SMYD3: variants seen among roughly 807,000 people sequenced by gnomAD.
SMYD3 encodes the protein SET and MYND domain containing 3.
A neutral mutation model predicts 57.7 loss-of-function variants in SMYD3; 36 were observed. The observed-to-expected ratio is 0.62, with a 90% CI of 0.48 to 0.82. The LOEUF is 0.82. Ranked by LOEUF, SMYD3 falls within the 40% of genes least tolerant of loss-of-function variation. SMYD3 has a pLI of 0.00. For synonymous variants in SMYD3, 211 were observed against 195.0 expected, an observed-to-expected ratio of 1.08 and a Z score of -0.68; for missense variants, 515 against 538.8, an observed-to-expected ratio of 0.96 and a Z score of 0.44.
At chr1:246,088,283 C>T (rs2060755413) in intron 5 of SMYD3, among the ~76,000 whole-genome samples, 1 of 151,898 alleles carries the variant, frequency 6.6e-6, no homozygotes, top group African/African-American at 2.4e-5. Context: ...CTTTCTTTCT[C>T]TCTCTCTCTA....
chr1:246,069,101 G>T (rs746995690), intron 5 of SMYD3, among the ~76,000 whole-genome samples: 16 of 152,174 alleles, frequency 1.1e-4, no homozygotes, highest in Non-Finnish European at 2.2e-4. Context: ...CCAATTTTGA[G>T]ATGCTGTAGC....
intron 10 of SMYD3, among the ~76,000 whole-genome samples, chr1:245,781,137 A>G (rs2262933): frequency 0.42 from 64,017 of 152,126 alleles, 17,951 homozygotes; most frequent in East Asian, 0.79. Context: ...CTTTGGAGAT[A>G]CTAGAAATAT....
At chr1:246,402,767 C>T (rs938182604) in intron 1 of SMYD3, among the ~76,000 whole-genome samples, 1 of 152,170 alleles carries the variant, frequency 6.6e-6, no homozygotes, top group Non-Finnish European at 1.5e-5. Flanking sequence ...TGAGCAAGTA[C>T]AATAGCCACC....
chr1:245,962,327 C>G (rs1474998342), intron 5 of SMYD3, among the ~76,000 whole-genome samples: 2 of 152,172 alleles, frequency 1.3e-5, no homozygotes, highest in African/African-American at 4.8e-5. Flanking sequence ...TACAACCTAT[C>G]TTGCAAGATG....
intron 1 of SMYD3, among the ~76,000 whole-genome samples, chr1:246,472,708 C>T (rs2067977099): frequency 6.6e-6 from 1 of 152,106 alleles, no homozygotes. Flanking sequence ...CACACTACTG[C>T]ACTCCAGCCT....
chr1:245,822,157 A>G (rs1186109839), intron 10 of SMYD3, among the ~76,000 whole-genome samples: 4 of 152,168 alleles, frequency 2.6e-5, no homozygotes, highest in Non-Finnish European at 5.9e-5. Context: ...CAAATGTCCA[A>G]CAATGATAGA....
chr1:246,466,303 A>G (rs115342373), intron 1 of SMYD3, among the ~76,000 whole-genome samples: 56 of 152,374 alleles, frequency 3.7e-4, no homozygotes, highest in South Asian at 6.2e-4. Flanking sequence ...TAGAATGCAT[A>G]AAGAAAATGT....
intron 1 of SMYD3, among the ~76,000 whole-genome samples, chr1:246,451,277 T>C (rs2067628689): frequency 6.6e-6 from 1 of 152,216 alleles, no homozygotes; most frequent in Non-Finnish European, 1.5e-5. Flanking sequence ...CAACAGCATT[T>C]TATAAACAAT....
intron 10 of SMYD3, among the ~76,000 whole-genome samples, chr1:245,770,877 T>TA (rs1431276606): frequency 6.6e-6 from 1 of 152,168 alleles, no homozygotes; most frequent in East Asian, 1.9e-4. Context: ...AACATTAGAT[T>TA]AGTCAGAGCT....
intron 5 of SMYD3, among the ~76,000 whole-genome samples, chr1:246,189,981 G>C (rs1207303503): frequency 6.6e-6 from 1 of 152,202 alleles, no homozygotes; most frequent in Non-Finnish European, 1.5e-5. Flanking sequence ...CAGTTTTAAA[G>C]GCAGGATTTG....
chr1:246,430,525 C>G (rs1438211237), intron 1 of SMYD3, among the ~76,000 whole-genome samples: 1 of 152,176 alleles, frequency 6.6e-6, no homozygotes, highest in Non-Finnish European at 1.5e-5. Flanking sequence ...AGAAGAGACA[C>G]TGAACATTCT....
At chr1:246,001,574 G>A (rs1000046624) in intron 5 of SMYD3, among the ~76,000 whole-genome samples, 1 of 152,142 alleles carries the variant, frequency 6.6e-6, no homozygotes, top group African/African-American at 2.4e-5. Context: ...CTCATCATGT[G>A]GTCGCTGGCT....
Position 245,928,130 on chromosome 1 carries a change from G to A in SMYD3, c.600-97C>T, listed in dbSNP as rs543109958. 19 of 881,304 alleles carry A rather than the reference G, an allele frequency of 2.2e-5. No individual in the cohort carries two copies. The East Asian group carries it at 3.5e-4, about 16-fold the overall frequency. 54.6% of individuals were successfully genotyped at this position (881,304 alleles called of 1,614,324 possible). A position where few individuals can be genotyped will look rare whatever the true frequency, so the allele number is the denominator to read the frequency against. ...GGTAAAATACACCTTCCTTTGGGGG[G>A]CAGCAGCAGGTAGGGTTGACAGGAT... is the stretch of plus-strand genomic sequence containing the variant. On this transcript the variant is annotated intron_variant, in intron 6 of 11. Coordinates refer to ENST00000490107, the MANE Select transcript of SMYD3 (RefSeq NM_001167740.2).
At chr1:246,245,840 C>A (rs2063695391) in intron 5 of SMYD3, among the ~76,000 whole-genome samples, 1 of 152,114 alleles carries the variant, frequency 6.6e-6, no homozygotes, top group Admixed American at 6.6e-5. Flanking sequence ...TATGAATACA[C>A]CAAACTGTAT....
chr1:246,476,354 G>T (rs2068030939), intron 1 of SMYD3, among the ~76,000 whole-genome samples: 1 of 152,168 alleles, frequency 6.6e-6, no homozygotes, highest in African/African-American at 2.4e-5. Flanking sequence ...TCCAATCCAC[G>T]CCTCTATGCC....
intron 5 of SMYD3, among the ~76,000 whole-genome samples, chr1:245,955,474 C>T (rs756365945): frequency 1.1e-4 from 16 of 152,044 alleles, no homozygotes; most frequent in Non-Finnish European, 2.1e-4. Flanking sequence ...TTAAAAATAT[C>T]TTTTTCACTA....
At chr1:245,828,366 C>A (rs894339736) in intron 10 of SMYD3, among the ~76,000 whole-genome samples, 30 of 152,296 alleles carry the variant, frequency 2.0e-4, no homozygotes, top group Admixed American at 1.8e-3. Context: ...TATAGATTCA[C>A]CTCATTTGCA....
In SMYD3 at chr1:245,842,594, T is replaced by C. The variant is rs186767553; in HGVS notation, c.1076+15902A>G. ...AATTAGCAACTGCTAACAGGGGAAT[T>C]AATGAGAAAAGAAACTTAACTTATA... On this transcript the variant is annotated intron_variant, in intron 10 of 11. Coordinates refer to ENST00000490107, the MANE Select transcript of SMYD3 (RefSeq NM_001167740.2). 2.0e-3 allele frequency among the ~76,000 whole-genome samples: 308 copies of C among 152,316 alleles called. 1 individual carries two copies. Among genetic ancestry groups the C allele is most frequent in the Non-Finnish European group, 3.5e-3 (236 of 68,026 alleles).
At chr1:245,897,483 C>T (rs1004967024) in intron 8 of SMYD3, among the ~76,000 whole-genome samples, 1 of 152,220 alleles carries the variant, frequency 6.6e-6, no homozygotes. Flanking sequence ...GAAGGATTTG[C>T]AGTCACTGCT....
Sources: allele counts gnomAD v4.1 joint callset (sites outside exome capture counted in the v4.1 genomes callset), GRCh38; gene constraint gnomAD v4.1.1; transcripts MANE v1.5; gene names NCBI Gene and HGNC (gene_info 2026-07-23, HGNC 2026-07-21).